ARHGAP28: variants seen among roughly 807,000 people sequenced by gnomAD.
The protein encoded by ARHGAP28 is rho GTPase-activating protein 28.
Under a neutral mutation model 90.7 loss-of-function variants are expected in ARHGAP28, and 56 were observed. The observed-to-expected ratio is 0.62, with a 90% CI of 0.50 to 0.77. ARHGAP28 has a LOEUF of 0.77. ARHGAP28 is among the 30% of genes least tolerant of loss of function. The pLI is 0.00. For missense variants in ARHGAP28, 869 were observed against 900.9 expected (o/e 0.96, Z 0.45); for synonymous variants, 308 against 323.3 (o/e 0.95, Z 0.51).
At chr18:6,784,035 C>A (rs1017580386) in intron 1 of ARHGAP28, among the ~76,000 whole-genome samples, 16 of 152,088 alleles carry the variant, frequency 1.1e-4, no homozygotes, top group African/African-American at 3.9e-4. Context: ...TGCAAATAGC[C>A]AGGCAGACTC....
At chr18:6,844,429 T>C (rs1284079496) in intron 3 of ARHGAP28, among the ~76,000 whole-genome samples, 2 of 152,160 alleles carry the variant, frequency 1.3e-5, no homozygotes, top group East Asian at 3.9e-4. Flanking sequence ...GAGAATAGTG[T>C]CTATTAATGT....
chr18:6,820,021 T>C (rs543878322), intron 1 of ARHGAP28, among the ~76,000 whole-genome samples: 28 of 152,182 alleles, frequency 1.8e-4, no homozygotes, highest in Non-Finnish European at 3.5e-4. Context: ...TAAAAAGTTA[T>C]GAAATATGTG....
At chr18:6,890,811 T>C (rs1183069614) in intron 14 of ARHGAP28, among the ~76,000 whole-genome samples, 1 of 152,202 alleles carries the variant, frequency 6.6e-6, no homozygotes, top group Non-Finnish European at 1.5e-5. Flanking sequence ...AAGGCTAAAA[T>C]GGTTCTCGCA....
chr18:6,794,148 T>C (rs950920758), intron 1 of ARHGAP28, among the ~76,000 whole-genome samples: 5 of 152,216 alleles, frequency 3.3e-5, no homozygotes, highest in African/African-American at 1.2e-4. Context: ...ACATTTGTTC[T>C]GTTTTCTACC....
intron 2 of ARHGAP28, among the ~76,000 whole-genome samples, chr18:6,833,173 G>A (rs574093695): frequency 3.9e-5 from 6 of 151,998 alleles, no homozygotes; most frequent in African/African-American, 1.4e-4. Context: ...CCATTTGAGA[G>A]TAACTTGCCA....
intron 2 of ARHGAP28, among the ~76,000 whole-genome samples, chr18:6,827,440 CG>C (rs2056676768): frequency 8.0e-6 from 1 of 124,616 alleles, no homozygotes; most frequent in Admixed American, 8.0e-5. Context: ...CCCTCCCGGA[CG>C]GGGCGGCTGG....
At chr18:6,826,131 TTC>T (rs2056660851) in intron 2 of ARHGAP28, among the ~76,000 whole-genome samples, 1 of 151,566 alleles carries the variant, frequency 6.6e-6, no homozygotes, top group Non-Finnish European at 1.5e-5. Flanking sequence ...TTTTTTTTTT[TTC>T]TGTTTGTTTT....
At chr18:6,864,560 T>G (rs951346410) in intron 5 of ARHGAP28, among the ~76,000 whole-genome samples, 2 of 152,258 alleles carry the variant, frequency 1.3e-5, no homozygotes, top group Non-Finnish European at 2.9e-5. Context: ...CATTATAATT[T>G]TAAATTATCT....
chr18:6,762,449 C>T (rs2056169038), intron 1 of ARHGAP28, among the ~76,000 whole-genome samples: 1 of 152,218 alleles, frequency 6.6e-6, no homozygotes, highest in Admixed American at 6.5e-5. Flanking sequence ...GATGTAATTT[C>T]ATTCAGTTTC....
chr18:6,911,003 C>G (rs1170078527), intron 17 of ARHGAP28, among the ~76,000 whole-genome samples: 1 of 152,020 alleles, frequency 6.6e-6, no homozygotes, highest in Non-Finnish European at 1.5e-5. Flanking sequence ...CATCACCACG[C>G]CCGGCTAATT....
chr18:6,869,250 A>ATTTTTTTTTTTTTTTTTTTT (rs2057062449), intron 6 of ARHGAP28, among the ~76,000 whole-genome samples: 3 of 103,812 alleles, frequency 2.9e-5, no homozygotes, highest in Non-Finnish European at 4.0e-5. Context: ...TCCTTTTGCC[A>ATTTTTTTTTTTTTTTTTTTT]TTCTTTTTTT....
intron 1 of ARHGAP28, among the ~76,000 whole-genome samples, chr18:6,744,666 G>A (rs187753365): frequency 1.6e-4 from 25 of 152,224 alleles, no homozygotes; most frequent in Admixed American, 1.6e-3. Flanking sequence ...GTGGAGCTTG[G>A]TTTATTTCAA....
At chr18:6,752,862 G>A (rs1036954640) in intron 1 of ARHGAP28, among the ~76,000 whole-genome samples, 23 of 152,076 alleles carry the variant, frequency 1.5e-4, no homozygotes, top group African/African-American at 5.1e-4. Flanking sequence ...AGCTAGTATC[G>A]TTGCACCAAG....
chr18:6,901,068 A>G (rs768693461), intron 16 of ARHGAP28, among the ~76,000 whole-genome samples: 15 of 152,146 alleles, frequency 9.9e-5, no homozygotes, highest in Non-Finnish European at 1.2e-4. Context: ...AATGAGGGGG[A>G]AATAAACATT....
At position 6,853,167 on chromosome 18, in the gene ARHGAP28, A is replaced by G. The variant is rs73941139; in HGVS notation, c.636+2041A>G. On this transcript the variant is annotated intron_variant, in intron 4 of 17. Coordinates refer to ENST00000383472, the MANE Select transcript of ARHGAP28 (RefSeq NM_001366230.1). ...CCTTCAACCTGGGGGTCCATGGTGT[A>G]AACCAAAAATAAAATTCTAAGGCCT... 7.9e-3 allele frequency among the ~76,000 whole-genome samples: 1,205 copies of G among 152,278 alleles called. 17 individuals are homozygous for G. The highest frequency in any genetic ancestry group is 0.027 in the African/African-American group (1,136 of 41,560).
At chr18:6,730,451 A>T (rs2055871046) in intron 1 of ARHGAP28, among the ~76,000 whole-genome samples, 1 of 152,114 alleles carries the variant, frequency 6.6e-6, no homozygotes, top group Admixed American at 6.6e-5. Flanking sequence ...TTTAAAGACA[A>T]TTTTATTTCT....
At chr18:6,818,305 G>A (rs2056605171) in intron 1 of ARHGAP28, among the ~76,000 whole-genome samples, 1 of 152,156 alleles carries the variant, frequency 6.6e-6, no homozygotes, top group Non-Finnish European at 1.5e-5. Context: ...GCTATAAGCA[G>A]TTACACAAAT....
intron 9 of ARHGAP28, chr18:6,874,473 C>T (rs561071969): frequency 3.3e-5 from 5 of 152,178 alleles, no homozygotes; most frequent in Non-Finnish European, 5.9e-5. Flanking sequence ...GCAATTTATA[C>T]TGGTTTTTAC....
At position 6,912,133 on chromosome 18, in the gene ARHGAP28, T is replaced by A. The variant is rs775048757; in HGVS notation, c.2169T>A (p.Ile723=). 1 of 1,603,598 alleles carries A rather than the reference T, an allele frequency of 6.2e-7. No individual in the cohort carries two copies. Among genetic ancestry groups the A allele is most frequent in the Non-Finnish European group, 8.5e-7 (1 of 1,171,840 alleles). Residue 723 remains isoleucine, a synonymous_variant, in exon 18 of 18, where the codon ATT becomes ATA. Coordinates refer to ENST00000383472, the MANE Select transcript of ARHGAP28 (RefSeq NM_001366230.1). ...TAAATCCTCAAGCAGAATGGGTGAT[T>A]AAACCCCAACAAAGTTCTTAAAATA... The part of the protein sequence containing the change: ...YRINPQAEWV[I]KPQQSS
Sources: allele counts gnomAD v4.1 joint callset (sites outside exome capture counted in the v4.1 genomes callset), GRCh38; gene constraint gnomAD v4.1.1; transcripts MANE v1.5; gene names NCBI Gene and HGNC (gene_info 2026-07-23, HGNC 2026-07-21).